The following VRK1 variants were observed in gnomAD, a reference collection of about 807,000 sequenced individuals.
The protein encoded by VRK1 is serine/threonine-protein kinase VRK1.
A neutral mutation model predicts 57.1 loss-of-function variants in VRK1; 33 were observed. The observed-to-expected ratio is 0.58, with a 90% CI of 0.44 to 0.77. VRK1 has a LOEUF of 0.77. Among genes scored for constraint, VRK1 ranks in the 30% least tolerant of loss-of-function variants. The pLI, the probability that VRK1 is intolerant of heterozygous loss-of-function variation, is 0.00. For missense variants in VRK1, 413 were observed against 477.3 expected (o/e 0.87, Z 1.25); for synonymous variants, 137 against 147.8 (o/e 0.93, Z 0.53).
intron 1 of VRK1, among the ~76,000 whole-genome samples, chr14:96,812,731 A>G (rs905917874): frequency 4.6e-5 from 7 of 152,272 alleles, no homozygotes; most frequent in African/African-American, 1.7e-4. Flanking sequence ...GAGGGTTTTC[A>G]AGCCCTTTTA....
chr14:96,810,465 G>A (rs1886126248), intron 1 of VRK1, among the ~76,000 whole-genome samples: 1 of 152,144 alleles, frequency 6.6e-6, no homozygotes, highest in African/African-American at 2.4e-5. Flanking sequence ...TTAGGTCAAA[G>A]TCCCCAGGAA....
intron 7 of VRK1, among the ~76,000 whole-genome samples, chr14:96,853,753 A>G (rs1888041631): frequency 6.6e-6 from 1 of 152,062 alleles, no homozygotes; most frequent in African/African-American, 2.4e-5. Context: ...TAGTTGAAGT[A>G]GAGGGATCTA....
At chr14:96,812,229 G>T (rs1163222836) in intron 1 of VRK1, among the ~76,000 whole-genome samples, 1 of 152,154 alleles carries the variant, frequency 6.6e-6, no homozygotes, top group Non-Finnish European at 1.5e-5. Flanking sequence ...ATTATGATTA[G>T]TGCTGCTATG....
intron 1 of VRK1, among the ~76,000 whole-genome samples, chr14:96,823,397 C>T (rs1595652504): frequency 6.6e-6 from 1 of 152,052 alleles, no homozygotes; most frequent in East Asian, 1.9e-4. Context: ...TTACATAATC[C>T]ACAGTTAACA....
intron 3 of VRK1, 45 bp downstream of exon 3, chr14:96,837,862 TGTA>T: frequency 7.1e-7 from 1 of 1,405,804 alleles, no homozygotes; most frequent in Non-Finnish European, 9.5e-7. Flanking sequence ...GTTGATTTGG[TGTA>T]GTATTTTGTA....
intron 4 of VRK1, 42 bp downstream of exon 4, chr14:96,846,206 C>A: frequency 6.3e-7 from 1 of 1,594,242 alleles, no homozygotes; most frequent in East Asian, 2.2e-5. Context: ...TTTAAAATGA[C>A]CAGTTTTTTG....
intron 3 of VRK1, among the ~76,000 whole-genome samples, chr14:96,844,378 A>G (rs542249081): frequency 5.6e-4 from 86 of 152,294 alleles, no homozygotes; most frequent in African/African-American, 1.9e-3. Context: ...CCATGATACT[A>G]CTGTCTTCCA....
intron 3 of VRK1, among the ~76,000 whole-genome samples, chr14:96,842,167 T>G (rs1394393241): frequency 6.6e-6 from 1 of 152,200 alleles, no homozygotes. Context: ...TTTTAGCCAT[T>G]AATTGTCCAT....
intron 9 of VRK1, 32 bp downstream of exon 9, chr14:96,856,282 A>G (rs950840221): frequency 6.2e-7 from 1 of 1,608,742 alleles, no homozygotes; most frequent in Non-Finnish European, 8.5e-7. Flanking sequence ...TTCTAGCAAA[A>G]TCATGATAAG....
At chr14:96,823,090 C>T (rs1229887505) in intron 1 of VRK1, among the ~76,000 whole-genome samples, 1 of 152,214 alleles carries the variant, frequency 6.6e-6, no homozygotes, top group East Asian at 1.9e-4. Flanking sequence ...CTGACCATGA[C>T]CACTCTGTTT....
chr14:96,876,220 AT>A, intron 12 of VRK1, 100 bp downstream of exon 12: 1 of 1,062,458 alleles, frequency 9.4e-7, no homozygotes. Flanking sequence ...TGACCTTTTG[AT>A]TTTATAATAA....
At chr14:96,845,016 A>G (rs748396583) in intron 3 of VRK1, among the ~76,000 whole-genome samples, 5 of 152,198 alleles carry the variant, frequency 3.3e-5, no homozygotes, top group Non-Finnish European at 1.5e-5. Context: ...ACCCAAAACT[A>G]TAAGTTGTCA....
intron 1 of VRK1, among the ~76,000 whole-genome samples, chr14:96,832,705 A>G (rs578079642): frequency 1.3e-5 from 2 of 152,282 alleles, no homozygotes; most frequent in South Asian, 4.1e-4. Flanking sequence ...TCATCTCCTA[A>G]AGGATAGCTA....
At chr14:96,815,449 A>G (rs1434264876) in intron 1 of VRK1, among the ~76,000 whole-genome samples, 1 of 152,200 alleles carries the variant, frequency 6.6e-6, no homozygotes, top group African/African-American at 2.4e-5. Flanking sequence ...ACGGAGGGGT[A>G]GAATCTAGGA....
At chr14:96,809,570 CTTTTTTT>C (rs566987608) in intron 1 of VRK1, among the ~76,000 whole-genome samples, 1 of 128,542 alleles carries the variant, frequency 7.8e-6, no homozygotes, top group Non-Finnish European at 1.7e-5. Context: ...TGCTTGCTTT[CTTTTTTT>C]TTTTTTTTTT....
chr14:96,828,261 G>A (rs745709542), intron 1 of VRK1, among the ~76,000 whole-genome samples: 1 of 152,168 alleles, frequency 6.6e-6, no homozygotes, highest in Admixed American at 6.6e-5. Context: ...AAGTTGAATT[G>A]CTGGGTCGGT....
intron 1 of VRK1, among the ~76,000 whole-genome samples, chr14:96,811,375 TG>T (rs1428550681): frequency 6.6e-6 from 1 of 152,248 alleles, no homozygotes; most frequent in Non-Finnish European, 1.5e-5. Context: ...GAAAGTCATC[TG>T]CACATACTAT....
intron 5 of VRK1, among the ~76,000 whole-genome samples, chr14:96,851,433 G>T (rs557523063): frequency 2.6e-5 from 4 of 152,106 alleles, no homozygotes; most frequent in African/African-American, 9.7e-5. Context: ...GAACTACCAG[G>T]CCCGGCCACC....
Position 96,847,251 on chromosome 14 carries a change from T to C in VRK1, c.287-6T>C. The C allele has an allele frequency of 6.2e-7, 1 of 1,612,156 alleles. No individual in the cohort carries two copies. On this transcript the variant is annotated splice_polypyrimidine_tract_variant and splice_region_variant and intron_variant, in intron 4 of 12. Transcript: ENST00000216639. Reference sequence around the variant, plus strand: ...TGAAATCACAAAGATCTGTTTTAATTTGTAGTTCAGAAATGGATTCGTACC... The same window carrying C: ...TGAAATCACAAAGATCTGTTTTAATCTGTAGTTCAGAAATGGATTCGTACC...
Sources: allele counts gnomAD v4.1 joint callset (sites outside exome capture counted in the v4.1 genomes callset), GRCh38; gene constraint gnomAD v4.1.1; transcripts MANE v1.5; gene names NCBI Gene and HGNC (gene_info 2026-07-23, HGNC 2026-07-21).